AMBRA1: variants seen among roughly 807,000 people sequenced by gnomAD.
AMBRA1 encodes activating molecule in BECN1-regulated autophagy protein 1.
Under a neutral mutation model 125.4 loss-of-function variants are expected in AMBRA1, and 47 were observed. The ratio of observed to expected loss-of-function variants is 0.37; its 90% CI spans 0.30 to 0.48. AMBRA1 has a LOEUF of 0.48. Among genes scored for constraint, AMBRA1 ranks in the 20% least tolerant of loss-of-function variants. The pLI is 0.99. For synonymous variants in AMBRA1, 626 were observed against 655.5 expected (o/e 0.95, Z 0.69); for missense variants, 1,331 against 1,693.4 (o/e 0.79, Z 3.76).
intron 1 of AMBRA1, among the ~76,000 whole-genome samples, chr11:46,591,856 C>CA (rs1486230452): frequency 1.3e-5 from 2 of 150,432 alleles, no homozygotes; most frequent in Non-Finnish European, 3.0e-5. Context: ...GACTCCGTCT[C>CA]AAAAAACACA....
At chr11:46,410,168 T>A in intron 16 of AMBRA1, 108 bp downstream of exon 16, 1 of 946,028 alleles carries the variant, frequency 1.1e-6, no homozygotes, top group Admixed American at 1.8e-5. Flanking sequence ...GCTGCTCTGG[T>A]TGAGGAGGGA....
At chr11:46,496,589 G>C (rs1950638227) in intron 9 of AMBRA1, among the ~76,000 whole-genome samples, 1 of 152,148 alleles carries the variant, frequency 6.6e-6, no homozygotes, top group African/African-American at 2.4e-5. Context: ...GAAGAGCAGG[G>C]AAGGAGAAGC....
intron 14 of AMBRA1, among the ~76,000 whole-genome samples, chr11:46,419,985 G>A (rs1232896612): frequency 6.3e-4 from 1 of 1,586 alleles, no homozygotes; most frequent in East Asian, 0.028. Flanking sequence ...ACAGCAGCAC[G>A]TGTCCTCAAT....
intron 11 of AMBRA1, among the ~76,000 whole-genome samples, chr11:46,470,728 A>G (rs989790379): frequency 4.6e-5 from 7 of 151,968 alleles, no homozygotes; most frequent in African/African-American, 1.4e-4. Context: ...GCACCACCAT[A>G]CTCCAGCCTG....
chr11:46,489,401 C>T (rs1279972366), intron 11 of AMBRA1, among the ~76,000 whole-genome samples: 2 of 152,146 alleles, frequency 1.3e-5, no homozygotes, highest in Non-Finnish European at 2.9e-5. Flanking sequence ...GCCTCGGCCT[C>T]CCAAAGTGCT....
At chr11:46,447,868 A>G (rs1490390501) in intron 11 of AMBRA1, among the ~76,000 whole-genome samples, 2 of 152,236 alleles carry the variant, frequency 1.3e-5, no homozygotes, top group Non-Finnish European at 2.9e-5. Flanking sequence ...ATCTACAGTT[A>G]CAGCCTGGGT....
intron 7 of AMBRA1, among the ~76,000 whole-genome samples, chr11:46,521,926 C>G (rs1951778917): frequency 7.0e-6 from 1 of 143,034 alleles, no homozygotes. Flanking sequence ...TTACTATTAT[C>G]AAATATAAAC....
Position 46,551,473 on chromosome 11 carries a change from G to T in AMBRA1, c.-120-2973C>A, listed in dbSNP as rs543356102. 6.6e-5 allele frequency among the ~76,000 whole-genome samples: 10 copies of T among 152,244 alleles called. No homozygotes were observed. In the East Asian group the frequency reaches 1.9e-3, roughly 29 times the overall value. ...CTTTTAAAATTATTTTAAAGATGGG[G>T]TCTCGCTATGTTGCCCAGGCTGGTG... On this transcript the variant is annotated intron_variant, in intron 1 of 17. Coordinates refer to ENST00000683756, the MANE Select transcript of AMBRA1 (RefSeq NM_001387011.1).
At chr11:46,428,008 CAAAAAAA>C (rs57618324) in intron 14 of AMBRA1, among the ~76,000 whole-genome samples, 24 of 63,384 alleles carry the variant, frequency 3.8e-4, no homozygotes, top group African/African-American at 1.3e-3. Context: ...GACTCCATGT[CAAAAAAA>C]AAAAAAAAAA....
intron 14 of AMBRA1, among the ~76,000 whole-genome samples, chr11:46,426,327 G>A (rs1054415122): frequency 1.3e-5 from 2 of 152,156 alleles, no homozygotes; most frequent in Non-Finnish European, 2.9e-5. Flanking sequence ...GAGGGCTGGG[G>A]AGATGGCAGT....
chr11:46,527,477 CA>C (rs59904013), intron 7 of AMBRA1, among the ~76,000 whole-genome samples: 913 of 25,880 alleles, frequency 0.035, 1 homozygote, highest in African/African-American at 0.13. Flanking sequence ...GAGACTGTCT[CA>C]AAAAAAAAAA....
intron 7 of AMBRA1, 22 bp from the exon 8 acceptor site, chr11:46,512,835 G>A: frequency 6.3e-7 from 1 of 1,596,146 alleles, no homozygotes; most frequent in Non-Finnish European, 8.6e-7. Context: ...TAAAAAAATG[G>A]CAATAATCCC....
chr11:46,452,091 T>C (rs1948628961), intron 11 of AMBRA1, among the ~76,000 whole-genome samples: 1 of 151,806 alleles, frequency 6.6e-6, no homozygotes. Context: ...TTTAAATAGG[T>C]GGCCTGTATG....
intron 14 of AMBRA1, among the ~76,000 whole-genome samples, chr11:46,426,050 G>A (rs1029579761): frequency 1.3e-5 from 2 of 150,890 alleles, no homozygotes; most frequent in African/African-American, 4.9e-5. Flanking sequence ...GGGAGGCTGA[G>A]GCGAGACTCC....
chr11:46,532,831 G>T (rs1166819860), intron 7 of AMBRA1, among the ~76,000 whole-genome samples: 2 of 152,200 alleles, frequency 1.3e-5, no homozygotes, highest in Non-Finnish European at 2.9e-5. Context: ...GTAATAATGA[G>T]TAGCATACAA....
intron 1 of AMBRA1, among the ~76,000 whole-genome samples, chr11:46,571,888 C>A (rs939131715): frequency 4.0e-5 from 6 of 151,808 alleles, no homozygotes; most frequent in African/African-American, 7.3e-5. Flanking sequence ...CAGGGTTTCA[C>A]CATGTTGGTC....
intron 15 of AMBRA1, among the ~76,000 whole-genome samples, chr11:46,416,255 G>A (rs1470019949): frequency 6.6e-6 from 1 of 152,198 alleles, no homozygotes; most frequent in Non-Finnish European, 1.5e-5. Flanking sequence ...GTGCTTTGGG[G>A]AAAAGGAGTA....
intron 1 of AMBRA1, among the ~76,000 whole-genome samples, chr11:46,587,722 A>G (rs2044453679): frequency 6.6e-6 from 1 of 152,176 alleles, no homozygotes; most frequent in Admixed American, 6.5e-5. Flanking sequence ...AAATTTCAAT[A>G]TTTATCAAAT....
chr11:46,411,099 CAAAAAAAAAA>C (rs59903160), intron 15 of AMBRA1, among the ~76,000 whole-genome samples: 1 of 60,190 alleles, frequency 1.7e-5, no homozygotes, highest in Admixed American at 1.9e-4. Flanking sequence ...GACTCTGTCT[CAAAAAAAAAA>C]AAAAAGAAAA....
Sources: allele counts gnomAD v4.1 joint callset (sites outside exome capture counted in the v4.1 genomes callset), GRCh38; gene constraint gnomAD v4.1.1; transcripts MANE v1.5; gene names NCBI Gene and HGNC (gene_info 2026-07-23, HGNC 2026-07-21).